CDK6: variants seen among roughly 807,000 people sequenced by gnomAD.
The protein encoded by CDK6 is cyclin-dependent kinase 6.
CDK6 carries 6 observed loss-of-function variants against 37.1 expected under a neutral mutation model. The observed-to-expected ratio is 0.16, with a 90% CI of 0.09 to 0.32. The LOEUF (loss-of-function observed/expected upper bound fraction) is 0.32. CDK6 is among the 10% of genes least tolerant of loss of function. The pLI, the probability that CDK6 is intolerant of heterozygous loss-of-function variation, is 1.00. For synonymous variants in CDK6, 160 were observed against 161.3 expected (o/e 0.99, Z 0.06); for missense variants, 224 against 418.9 (o/e 0.53, Z 4.06).
chr7:92,625,296 T>C (rs1398009499), intron 5 of CDK6, among the ~76,000 whole-genome samples: 1 of 151,378 alleles, frequency 6.6e-6, no homozygotes, highest in African/African-American at 2.4e-5. Context: ...CAGATAATCA[T>C]GTAAAGTATT....
chr7:92,657,558 A>G (rs1278775114), intron 5 of CDK6, among the ~76,000 whole-genome samples: 2 of 152,024 alleles, frequency 1.3e-5, no homozygotes, highest in South Asian at 2.1e-4. Flanking sequence ...GTGATCTGAG[A>G]TAATTTTTTT....
intron 2 of CDK6, among the ~76,000 whole-genome samples, chr7:92,832,201 G>A (rs1296846549): frequency 4.6e-5 from 7 of 152,052 alleles, no homozygotes; most frequent in Non-Finnish European, 1.0e-4. Flanking sequence ...CCACACAATG[G>A]GGAAATTCCA....
chr7:92,736,881 GA>G (rs1427874518), intron 3 of CDK6, among the ~76,000 whole-genome samples: 1 of 152,088 alleles, frequency 6.6e-6, no homozygotes, highest in African/African-American at 2.4e-5. Flanking sequence ...AAAGCAAGGG[GA>G]AAAGCAATTC....
intron 4 of CDK6, among the ~76,000 whole-genome samples, chr7:92,679,208 G>C (rs1045664339): frequency 1.3e-5 from 2 of 152,142 alleles, no homozygotes; most frequent in Non-Finnish European, 2.9e-5. Flanking sequence ...AGAAACCAGC[G>C]TGGGTGGCAA....
chr7:92,609,616 A>G lies in CDK6; in HGVS notation c.*5524T>C, dbSNP rs1383282531. On this transcript the variant is annotated 3_prime_UTR_variant, in exon 8 of 8. Coordinates refer to ENST00000424848, the MANE Select transcript of CDK6 (RefSeq NM_001145306.2). Reference sequence around the variant, plus strand: ...CACCTGATCTTTAAATTAGGATTTTAAAATTTAATCAATGTTGAAAGGCCA... The same window carrying G: ...CACCTGATCTTTAAATTAGGATTTTGAAATTTAATCAATGTTGAAAGGCCA... 8.7e-6 allele frequency: 2 copies of G among 230,954 alleles called. No individual in the cohort carries two copies. The highest frequency in any genetic ancestry group is 4.4e-5 in the African/African-American group (2 of 45,230). The allele number at this position is 230,954 out of a possible 1,614,324, so 14.3% of individuals were successfully genotyped here. A position where few individuals can be genotyped will look rare whatever the true frequency, so the allele number is the denominator to read the frequency against.
chr7:92,684,866 A>T (rs556955498), intron 4 of CDK6, among the ~76,000 whole-genome samples: 3 of 152,330 alleles, frequency 2.0e-5, no homozygotes, highest in African/African-American at 7.2e-5. Flanking sequence ...ATTAAAAAAA[A>T]TCATATTACT....
At chr7:92,778,575 T>G (rs1435189155) in intron 2 of CDK6, among the ~76,000 whole-genome samples, 3 of 152,200 alleles carry the variant, frequency 2.0e-5, no homozygotes, top group African/African-American at 4.8e-5. Flanking sequence ...ACAGGCTTTT[T>G]TAAGCCAGCT....
At chr7:92,671,297 G>A (rs1797066639) in intron 5 of CDK6, 129 bp downstream of exon 5, 1 of 515,562 alleles carries the variant, frequency 1.9e-6, no homozygotes, top group Non-Finnish European at 3.3e-6. Flanking sequence ...CTTGCAAGTG[G>A]TAGCCTGGGG....
At chr7:92,786,613 C>CTG (rs557928459) in intron 2 of CDK6, among the ~76,000 whole-genome samples, 5,207 of 143,698 alleles carry the variant, frequency 0.036, 131 homozygotes, top group Middle Eastern at 0.14. Context: ...TAATCTGGCT[C>CTG]TGTGTGTGTG....
At chr7:92,736,584 G>A (rs904691456) in intron 3 of CDK6, among the ~76,000 whole-genome samples, 1 of 152,196 alleles carries the variant, frequency 6.6e-6, no homozygotes. Context: ...TAGAGGAGGA[G>A]GAAGTGCTTA....
intron 3 of CDK6, among the ~76,000 whole-genome samples, chr7:92,732,911 A>G (rs573283165): frequency 1.6e-4 from 25 of 152,320 alleles, no homozygotes; most frequent in African/African-American, 5.5e-4. Flanking sequence ...ACAGGGAAAG[A>G]GTCTGGGTCT....
intron 3 of CDK6, among the ~76,000 whole-genome samples, chr7:92,732,915 T>C (rs1798685879): frequency 6.6e-6 from 1 of 152,216 alleles, no homozygotes. Context: ...GGAAAGAGTC[T>C]GGGTCTTTGA....
chr7:92,605,184 A>G lies in CDK6; in HGVS notation c.*9956T>C. 4.3e-6 allele frequency: 1 copy of G among 233,330 alleles called. No homozygotes were observed. Among genetic ancestry groups the G allele is most frequent in the East Asian group, 6.1e-5 (1 of 16,456 alleles). 14.5% of individuals were successfully genotyped at this position (233,330 alleles called of 1,614,324 possible). The stretch of plus-strand genomic sequence containing the variant: ...ACACATTGGACAGTGATATTTCAAC[A>G]CCAATTTTGAAAAAAACAATGAACT... On this transcript the variant is annotated 3_prime_UTR_variant, in exon 8 of 8. Coordinates refer to ENST00000424848, the MANE Select transcript of CDK6 (RefSeq NM_001145306.2).
intron 3 of CDK6, among the ~76,000 whole-genome samples, chr7:92,759,183 CAAG>C (rs745347462): frequency 1.1e-4 from 16 of 152,128 alleles, no homozygotes; most frequent in Non-Finnish European, 2.2e-4. Flanking sequence ...CTTATCAGAA[CAAG>C]AAGAATAGAG....
intron 5 of CDK6, among the ~76,000 whole-genome samples, chr7:92,653,806 C>T (rs529688251): frequency 2.6e-5 from 4 of 152,138 alleles, no homozygotes; most frequent in South Asian, 2.1e-4. Context: ...AGGGTCTCAC[C>T]GTGTTGTCCA....
At position 92,710,249 on chromosome 7, in the gene CDK6, C is replaced by T. The variant is rs1490972659; in HGVS notation, c.537+15377G>A. 2.6e-5 allele frequency among the ~76,000 whole-genome samples: 4 copies of T among 151,982 alleles called. No individual in the cohort carries two copies. The East Asian group carries it at 7.7e-4, about 29-fold the overall frequency. On this transcript the variant is annotated intron_variant, in intron 4 of 7. Transcript: ENST00000424848. Reference sequence around the variant, plus strand: ...CGGGATTCAATTATGAGTGATGAAACCTAAAGTGGAAGTTTGAAAAGAGCT... The same window carrying T: ...CGGGATTCAATTATGAGTGATGAAATCTAAAGTGGAAGTTTGAAAAGAGCT...
chr7:92,672,180 C>G (rs1486923378), intron 4 of CDK6, among the ~76,000 whole-genome samples: 5 of 99,006 alleles, frequency 5.1e-5, no homozygotes, highest in South Asian at 8.3e-4. Context: ...CACACACACA[C>G]ACAGACACAT....
chr7:92,731,745 C>T (rs1798655831), intron 3 of CDK6, among the ~76,000 whole-genome samples: 1 of 150,538 alleles, frequency 6.6e-6, no homozygotes, highest in African/African-American at 2.4e-5. Flanking sequence ...TCTCAACTAA[C>T]TGGAAATAAA....
chr7:92,788,522 T>C (rs1385607328), intron 2 of CDK6, among the ~76,000 whole-genome samples: 1 of 152,218 alleles, frequency 6.6e-6, no homozygotes, highest in African/African-American at 2.4e-5. Flanking sequence ...TTAAGCACAA[T>C]ATTATGTTTA....
Sources: gnomAD v4.1 joint callset for allele counts (sites outside exome capture counted in the v4.1 genomes callset) on GRCh38, gnomAD v4.1.1 for gene constraint, MANE v1.5 for transcripts, NCBI Gene and HGNC (gene_info 2026-07-23, HGNC 2026-07-21) for gene names.